Variants in ARFGEF2 observed in about 807,000 individuals in gnomAD.
ARFGEF2 encodes the protein brefeldin A-inhibited guanine nucleotide-exchange protein 2.
Under a neutral mutation model 219.9 loss-of-function variants are expected in ARFGEF2, and 74 were observed. The observed-to-expected ratio is 0.34, with a 90% CI of 0.28 to 0.41. The LOEUF is 0.41. ARFGEF2 is among the 10% of genes least tolerant of loss of function. The pLI, the probability that ARFGEF2 is intolerant of heterozygous loss-of-function variation, is 1.00. For missense variants in ARFGEF2, 1,743 were observed against 2,218.3 expected (o/e 0.79, Z 4.30); for synonymous variants, 733 against 799.2 (o/e 0.92, Z 1.40).
rs2091653069 is a variant in ARFGEF2, at chr20:49,034,091, C to T, written c.*892C>T. On this transcript the variant is annotated 3_prime_UTR_variant, in exon 39 of 39. Coordinates refer to ENST00000371917, the MANE Select transcript of ARFGEF2 (RefSeq NM_006420.3). ...AGTAATTTAACCAGAGTTCATTTAT[C>T]CTTGAATAAACCTTTTTATTTTCAC... The T allele has an allele frequency of 6.6e-6, 1 of 152,300 alleles. No homozygotes were observed. The highest frequency in any genetic ancestry group is 6.5e-5 in the Admixed American group (1 of 15,308). 9.4% of individuals were successfully genotyped at this position (152,300 alleles called of 1,614,324 possible). A position where few individuals can be genotyped will look rare whatever the true frequency, so the allele number is the denominator to read the frequency against.
chr20:48,991,263 T>C (rs772084027), intron 21 of ARFGEF2, 65 bp downstream of exon 21: 17 of 1,597,278 alleles, frequency 1.1e-5, no homozygotes, highest in Non-Finnish European at 1.4e-5. Context: ...TTATTCATTG[T>C]TGATCTCATT....
chr20:48,984,907 T>A, intron 15 of ARFGEF2, 67 bp downstream of exon 15: 1 of 1,610,784 alleles, frequency 6.2e-7, no homozygotes, highest in Non-Finnish European at 8.5e-7. Context: ...TTACCAGTTT[T>A]AACCTCGAGA....
At chr20:48,972,744 T>C (rs536695458) in intron 11 of ARFGEF2, among the ~76,000 whole-genome samples, 1 of 152,292 alleles carries the variant, frequency 6.6e-6, no homozygotes, top group African/African-American at 2.4e-5. Context: ...TGCTGCCAAT[T>C]TTTGATTGGG....
intron 14 of ARFGEF2, among the ~76,000 whole-genome samples, chr20:48,982,849 G>C (rs1303255482): frequency 6.6e-6 from 1 of 152,196 alleles, no homozygotes; most frequent in Non-Finnish European, 1.5e-5. Context: ...AAGACCATTG[G>C]AGAAGTGCAG....
chr20:48,927,550 TG>T (rs2090885674), intron 1 of ARFGEF2, among the ~76,000 whole-genome samples: 1 of 151,906 alleles, frequency 6.6e-6, no homozygotes, highest in Admixed American at 6.6e-5. Context: ...TAGCTGGGCG[TG>T]GTGGCGCACA....
chr20:49,013,089 ACCTGCCACTTGGAAT>A, intron 28 of ARFGEF2, among the ~76,000 whole-genome samples: 1 of 152,116 alleles, frequency 6.6e-6, no homozygotes, highest in Admixed American at 6.6e-5. Flanking sequence ...CATTGTTTCT[ACCTGCCACTTGGAAT>A]CCTTGTGAGA....
chr20:48,985,951 C>T lies in ARFGEF2; in HGVS notation c.2276+338C>T, dbSNP rs999609687. The stretch of plus-strand genomic sequence containing the variant: ...CTCTTCCCTAATCAAAAACAGTTCC[C>T]CTGATTTAATATATGGGGTAGATCT... On this transcript the variant is annotated intron_variant, in intron 16 of 38. Transcript: ENST00000371917. Among the ~76,000 whole-genome samples, 4 of 152,232 alleles carry T rather than the reference C, an allele frequency of 2.6e-5. No homozygotes were observed. The East Asian group carries it at 7.7e-4, about 29-fold the overall frequency.
chr20:49,005,856 T>G (rs931547614), intron 26 of ARFGEF2, among the ~76,000 whole-genome samples: 4 of 151,916 alleles, frequency 2.6e-5, no homozygotes, highest in African/African-American at 7.3e-5. Context: ...ATAAGAATTA[T>G]GTGACCCATC....
intron 6 of ARFGEF2, among the ~76,000 whole-genome samples, chr20:48,962,334 A>G (rs922932443): frequency 3.3e-5 from 5 of 152,240 alleles, no homozygotes; most frequent in African/African-American, 1.2e-4. Context: ...AATATAAGTA[A>G]TAAGTTGTGC....
Position 49,034,540 on chromosome 20 carries a change from T to G in ARFGEF2, c.*1341T>G, listed in dbSNP as rs1401958441. The G allele has an allele frequency of 6.6e-6, 1 of 152,222 alleles. No homozygotes were observed. The highest frequency in any genetic ancestry group is 1.9e-4 in the East Asian group (1 of 5,204). 9.4% of individuals were successfully genotyped at this position (152,222 alleles called of 1,614,324 possible). ...AGCACACACGCCTCATTCTCTGCCC[T>G]CACCCACTGCTCACCTAGAGCATCG... is the stretch of plus-strand genomic sequence containing the variant. On this transcript the variant is annotated 3_prime_UTR_variant, in exon 39 of 39. Transcript: ENST00000371917.
chr20:48,984,991 C>T (rs866741829), intron 15 of ARFGEF2, 151 bp downstream of exon 15: 5 of 1,412,176 alleles, frequency 3.5e-6, no homozygotes, highest in Middle Eastern at 4.9e-4. Context: ...CCCCGGGTTA[C>T]AGCAGTCCTG....
At chr20:48,928,221 C>T (rs1230017578) in intron 1 of ARFGEF2, among the ~76,000 whole-genome samples, 8 of 112,242 alleles carry the variant, frequency 7.1e-5, no homozygotes, top group East Asian at 2.6e-4. Context: ...TTTTTTGAGA[C>T]GGAGTCTCGC....
At chr20:49,007,961 G>T (rs1055483157) in intron 26 of ARFGEF2, among the ~76,000 whole-genome samples, 1 of 152,042 alleles carries the variant, frequency 6.6e-6, no homozygotes. Flanking sequence ...TTGAAAAGGG[G>T]CAGAGTGAGT....
At chr20:49,012,262 G>A (rs1183712993) in intron 28 of ARFGEF2, among the ~76,000 whole-genome samples, 178 bp downstream of exon 28, 1 of 152,108 alleles carries the variant, frequency 6.6e-6, no homozygotes, top group Non-Finnish European at 1.5e-5. Context: ...TCATTATTTG[G>A]TATATGTGAA....
At chr20:49,032,685 A>G (rs888055013) in intron 38 of ARFGEF2, among the ~76,000 whole-genome samples, 1 of 151,332 alleles carries the variant, frequency 6.6e-6, no homozygotes, top group Non-Finnish European at 1.5e-5. Context: ...TCTGCCTCCC[A>G]GGCTCAAGCG....
chr20:48,933,903 T>A (rs1178861531), intron 1 of ARFGEF2, among the ~76,000 whole-genome samples: 1 of 152,104 alleles, frequency 6.6e-6, no homozygotes, highest in African/African-American at 2.4e-5. Flanking sequence ...GTGTGTCACC[T>A]GGGGTCAGGA....
intron 37 of ARFGEF2, among the ~76,000 whole-genome samples, chr20:49,029,112 G>A (rs1452546200): frequency 6.6e-6 from 1 of 152,188 alleles, no homozygotes. Context: ...ACCAGGATGT[G>A]CCTACAAAAT....
chr20:49,000,113 G>A (rs1370585896), intron 25 of ARFGEF2, among the ~76,000 whole-genome samples: 1 of 152,252 alleles, frequency 6.6e-6, no homozygotes, highest in South Asian at 2.1e-4. Context: ...GAAGAGATGG[G>A]CACCTCATTA....
At chr20:48,961,518 T>C (rs1383270217) in intron 6 of ARFGEF2, among the ~76,000 whole-genome samples, 2 of 152,150 alleles carry the variant, frequency 1.3e-5, no homozygotes, top group Non-Finnish European at 2.9e-5. Context: ...CCTGAGACTT[T>C]TTTACAGCTA....
Sources: gnomAD v4.1 joint callset for allele counts (sites outside exome capture counted in the v4.1 genomes callset) on GRCh38, gnomAD v4.1.1 for gene constraint, MANE v1.5 for transcripts, NCBI Gene and HGNC (gene_info 2026-07-23, HGNC 2026-07-21) for gene names.